The following POU6F2 variants were observed in gnomAD, a reference collection of about 807,000 sequenced individuals.
POU6F2 encodes POU class 6 homeobox 2.
Under a neutral mutation model 71.3 loss-of-function variants are expected in POU6F2, and 31 were observed. The ratio of observed to expected loss-of-function variants is 0.43; its 90% CI spans 0.33 to 0.59. POU6F2 has a LOEUF of 0.59. POU6F2 is among the 20% of genes least tolerant of loss of function. The probability of loss-of-function intolerance (pLI) is 0.04; values close to 1 mark genes in which losing one functional copy is unlikely to be tolerated. For synonymous variants in POU6F2, 347 were observed against 355.7 expected (o/e 0.98, Z 0.27); for missense variants, 783 against 856.8 (o/e 0.91, Z 1.07).
chr7:39,342,518 T>A (rs1785940033), intron 5 of POU6F2, among the ~76,000 whole-genome samples: 1 of 152,242 alleles, frequency 6.6e-6, no homozygotes, highest in African/African-American at 2.4e-5. Context: ...TCTTTTTACA[T>A]TATTCAAAAA....
intron 5 of POU6F2, chr7:39,373,647 G>A: frequency 2.5e-6 from 1 of 405,964 alleles, no homozygotes; most frequent in Middle Eastern, 3.6e-4. Context: ...CAAAGAGGCT[G>A]GGAACTGGTC....
rs997020733 is a variant in POU6F2 at position 39,115,894 on chromosome 7, A to C, written c.277+29863A>C. On this transcript the variant is annotated intron_variant, in intron 2 of 9. Coordinates refer to ENST00000518318, the MANE Select transcript of POU6F2 (RefSeq NM_001370959.1). ...CTTCTCTTTCCTGGATTACAGAAATATTTCTTTGATTATAGACTGAATTCA... is the reference window on the plus strand; with the variant it reads ...CTTCTCTTTCCTGGATTACAGAAATCTTTCTTTGATTATAGACTGAATTCA... Among the ~76,000 whole-genome samples, 6 of 152,210 alleles carry C rather than the reference A, an allele frequency of 3.9e-5. No individual in the cohort carries two copies. In the South Asian group the frequency reaches 8.3e-4, roughly 21 times the overall value.
chr7:39,360,348 T>C (rs1786352581), intron 5 of POU6F2, among the ~76,000 whole-genome samples: 1 of 152,152 alleles, frequency 6.6e-6, no homozygotes, highest in African/African-American at 2.4e-5. Flanking sequence ...TGAATGTACT[T>C]TTAGAGGGAG....
At chr7:39,201,972 G>A (rs1793914949) in intron 2 of POU6F2, among the ~76,000 whole-genome samples, 1 of 152,058 alleles carries the variant, frequency 6.6e-6, no homozygotes, top group African/African-American at 2.4e-5. Context: ...CATTACTTTT[G>A]GATCCAGGCA....
At chr7:39,006,992 T>G in intron 1 of POU6F2, 1 of 938,192 alleles carries the variant, frequency 1.1e-6, no homozygotes, top group Non-Finnish European at 1.7e-6. Context: ...ATGAGTGAGA[T>G]TCCCTTATGC....
chr7:39,092,092 T>C (rs1791372468), intron 2 of POU6F2, among the ~76,000 whole-genome samples: 1 of 152,242 alleles, frequency 6.6e-6, no homozygotes, highest in Non-Finnish European at 1.5e-5. Context: ...AATATGCACC[T>C]GGCTCCATTT....
intron 2 of POU6F2, among the ~76,000 whole-genome samples, chr7:39,189,091 ACCTAGGACCTGG>A (rs1793604714): frequency 6.6e-6 from 1 of 152,200 alleles, no homozygotes; most frequent in Non-Finnish European, 1.5e-5. Context: ...AGCCCCTAAC[ACCTAGGACCTGG>A]CCTGGTGCTC....
At chr7:39,246,223 G>T (rs1269190642) in intron 4 of POU6F2, among the ~76,000 whole-genome samples, 3 of 152,166 alleles carry the variant, frequency 2.0e-5, no homozygotes, top group Non-Finnish European at 4.4e-5. Flanking sequence ...CCTCCTATGT[G>T]TCAGGCATGG....
chr7:39,336,110 G>T (rs1785771131), intron 4 of POU6F2, among the ~76,000 whole-genome samples: 1 of 152,216 alleles, frequency 6.6e-6, no homozygotes, highest in Non-Finnish European at 1.5e-5. Context: ...CTCTTTTCTT[G>T]TAGTACAATA....
chr7:39,242,015 G>C (rs761652320), intron 4 of POU6F2, among the ~76,000 whole-genome samples: 5 of 152,092 alleles, frequency 3.3e-5, no homozygotes, highest in Non-Finnish European at 5.9e-5. Flanking sequence ...ATACATATTT[G>C]AGATTCATCT....
intron 2 of POU6F2, among the ~76,000 whole-genome samples, chr7:39,168,152 C>A (rs929463028): frequency 6.6e-6 from 1 of 151,916 alleles, no homozygotes; most frequent in East Asian, 1.9e-4. Flanking sequence ...TTGGAAAAAA[C>A]AAAATTAGGA....
At position 39,157,438 on chromosome 7, in the gene POU6F2, T is replaced by A. The variant is rs538357081; in HGVS notation, c.278-46797T>A. 3.3e-5 allele frequency among the ~76,000 whole-genome samples: 5 copies of A among 152,304 alleles called. No individual in the cohort carries two copies. In the East Asian group the frequency reaches 9.6e-4, roughly 29 times the overall value. ...ATGCATTTATTTATTATCGATTTTTTAAAAATACATTTAACATTACTGGTT... is the reference window on the plus strand; with the variant it reads ...ATGCATTTATTTATTATCGATTTTTAAAAAATACATTTAACATTACTGGTT... On this transcript the variant is annotated intron_variant, in intron 2 of 9. Coordinates refer to ENST00000518318, the MANE Select transcript of POU6F2 (RefSeq NM_001370959.1).
intron 2 of POU6F2, among the ~76,000 whole-genome samples, chr7:39,163,905 G>T (rs944058359): frequency 5.3e-5 from 8 of 152,154 alleles, no homozygotes; most frequent in African/African-American, 1.9e-4. Context: ...AAAGAAATAA[G>T]CCAGGTGCAG....
At chr7:39,090,436 G>A (rs192961252) in intron 2 of POU6F2, among the ~76,000 whole-genome samples, 5 of 152,260 alleles carry the variant, frequency 3.3e-5, no homozygotes, top group African/African-American at 7.2e-5. Context: ...GGCATTATGG[G>A]GACTGCACTT....
At chr7:39,065,087 T>TTA (rs1419320012) in intron 1 of POU6F2, among the ~76,000 whole-genome samples, 1 of 151,820 alleles carries the variant, frequency 6.6e-6, no homozygotes, top group Non-Finnish European at 1.5e-5. Flanking sequence ...TTAGGCTCCC[T>TTA]TATAAACATA....
intron 1 of POU6F2, among the ~76,000 whole-genome samples, chr7:39,061,109 T>C (rs1224771505): frequency 1.3e-5 from 2 of 152,168 alleles, no homozygotes; most frequent in African/African-American, 4.8e-5. Context: ...AATATTTTTA[T>C]TAAAAATTAT....
intron 4 of POU6F2, among the ~76,000 whole-genome samples, chr7:39,222,380 T>C (rs370727791): frequency 1.3e-5 from 2 of 152,248 alleles, no homozygotes; most frequent in Non-Finnish European, 2.9e-5. Flanking sequence ...GAAGAGACTT[T>C]CCATGGCAAA....
intron 7 of POU6F2, among the ~76,000 whole-genome samples, 174 bp downstream of exon 7, chr7:39,433,457 A>C (rs952935314): frequency 1.3e-5 from 2 of 152,246 alleles, no homozygotes; most frequent in African/African-American, 4.8e-5. Flanking sequence ...TTCTTAATGA[A>C]TATGGGTGAT....
chr7:39,102,507 T>C (rs1408682906), intron 2 of POU6F2, among the ~76,000 whole-genome samples: 1 of 152,182 alleles, frequency 6.6e-6, no homozygotes, highest in Non-Finnish European at 1.5e-5. Context: ...TTAATTGAAC[T>C]GCTTCTGAAT....
Sources: allele counts gnomAD v4.1 joint callset (sites outside exome capture counted in the v4.1 genomes callset), GRCh38; gene constraint gnomAD v4.1.1; transcripts MANE v1.5; gene names NCBI Gene and HGNC (gene_info 2026-07-23, HGNC 2026-07-21).